The following CSMD1 variants were observed in gnomAD, a reference collection of about 807,000 sequenced individuals.
CSMD1 encodes CUB and sushi domain-containing protein 1.
Under a neutral mutation model 417.5 loss-of-function variants are expected in CSMD1, and 213 were observed. That is an observed-to-expected ratio of 0.51 (90% CI 0.46 to 0.57). The LOEUF (loss-of-function observed/expected upper bound fraction) is 0.57. CSMD1 is among the 20% of genes least tolerant of loss of function. The probability of loss-of-function intolerance (pLI) is 0.00; values close to 1 mark genes in which losing one functional copy is unlikely to be tolerated. For missense variants in CSMD1, 6,923 were observed against 4,529.7 expected (o/e 1.53, Z -15.17); for synonymous variants, 2,862 against 1,736.8 (o/e 1.65, Z -16.11).
chr8:4,728,259 C>G lies in CSMD1; in HGVS notation c.86-90701G>C, dbSNP rs980818259. ...ACACCTAATGATATGAAGTAAAATG[C>G]ATGTATATGATTTGGGTTGAAATAA... is the stretch of plus-strand genomic sequence containing the variant. On this transcript the variant is annotated intron_variant, in intron 1 of 69. Coordinates refer to ENST00000635120, the MANE Select transcript of CSMD1 (RefSeq NM_033225.6). Among the ~76,000 whole-genome samples the G allele has an allele frequency of 2.7e-5, 4 of 149,598 alleles. No individual in the cohort carries two copies. The Admixed American group carries it at 2.7e-4, about 10-fold the overall frequency.
At chr8:3,507,347 T>C (rs957218806) in intron 10 of CSMD1, among the ~76,000 whole-genome samples, 5 of 152,250 alleles carry the variant, frequency 3.3e-5, no homozygotes, top group South Asian at 2.1e-4. Context: ...TCATTTTTTA[T>C]GGCAGCACAG....
chr8:4,799,844 T>A (rs1238312515), intron 1 of CSMD1, among the ~76,000 whole-genome samples: 2 of 152,022 alleles, frequency 1.3e-5, no homozygotes, highest in Admixed American at 6.6e-5. Context: ...TTTCCAGCAT[T>A]AGAAACTTTA....
chr8:4,160,335 G>A (rs936464326), intron 3 of CSMD1, among the ~76,000 whole-genome samples: 3 of 152,088 alleles, frequency 2.0e-5, no homozygotes, highest in African/African-American at 7.2e-5. Flanking sequence ...AATAATGATT[G>A]AAAACCATTT....
intron 3 of CSMD1, among the ~76,000 whole-genome samples, chr8:4,358,351 T>G (rs765977670): frequency 6.6e-6 from 1 of 152,188 alleles, no homozygotes; most frequent in Non-Finnish European, 1.5e-5. Flanking sequence ...GAGCTTAGAA[T>G]GATTTTACAC....
intron 1 of CSMD1, among the ~76,000 whole-genome samples, chr8:4,738,612 C>A: frequency 6.6e-6 from 1 of 152,114 alleles, no homozygotes; most frequent in South Asian, 2.1e-4. Flanking sequence ...CATCTAGCAT[C>A]TGTATTTTAA....
chr8:3,695,084 C>G (rs1322502680), intron 7 of CSMD1, among the ~76,000 whole-genome samples: 1 of 33,242 alleles, frequency 3.0e-5, no homozygotes, highest in African/African-American at 1.0e-4. Flanking sequence ...ATTGGAGGCC[C>G]TGCGTGTGTG....
intron 3 of CSMD1, among the ~76,000 whole-genome samples, chr8:4,363,922 G>A (rs1158646420): frequency 1.3e-5 from 2 of 152,168 alleles, no homozygotes; most frequent in Non-Finnish European, 2.9e-5. Context: ...GGGCAGGGGG[G>A]AGATGAAAAT....
intron 41 of CSMD1, among the ~76,000 whole-genome samples, chr8:3,131,645 T>C (rs1271952744): frequency 6.6e-6 from 1 of 152,070 alleles, no homozygotes; most frequent in African/African-American, 2.4e-5. Context: ...CTACTTTTTG[T>C]ATTTTAAGTA....
chr8:3,654,844 G>A (rs1260331401), intron 7 of CSMD1, among the ~76,000 whole-genome samples: 4 of 152,096 alleles, frequency 2.6e-5, no homozygotes, highest in Non-Finnish European at 4.4e-5. Flanking sequence ...CACATCACCT[G>A]CTCTACCCAC....
chr8:4,782,273 A>C (rs1192968116), intron 1 of CSMD1, among the ~76,000 whole-genome samples: 1 of 152,216 alleles, frequency 6.6e-6, no homozygotes, highest in African/African-American at 2.4e-5. Context: ...TACCAAAAGT[A>C]AAAGATAAAC....
chr8:3,934,025 T>A (rs2554655), intron 5 of CSMD1, among the ~76,000 whole-genome samples: 127,662 of 152,036 alleles, frequency 0.84, 53,702 homozygotes, highest in Admixed American at 0.85. Context: ...GAATCCACAA[T>A]GAGTAGGAAG....
intron 2 of CSMD1, among the ~76,000 whole-genome samples, chr8:4,539,093 G>C (rs188517917): frequency 1.3e-5 from 2 of 152,254 alleles, no homozygotes; most frequent in Non-Finnish European, 2.9e-5. Context: ...TTTTAGAAAT[G>C]TTACATAATG....
intron 1 of CSMD1, among the ~76,000 whole-genome samples, chr8:4,808,227 G>C (rs1164593255): frequency 2.0e-5 from 3 of 152,138 alleles, no homozygotes; most frequent in Non-Finnish European, 1.5e-5. Flanking sequence ...AGCGGTATAG[G>C]GTTGCTGCAT....
intron 4 of CSMD1, among the ~76,000 whole-genome samples, chr8:4,000,603 T>C (rs1815592208): frequency 6.6e-6 from 1 of 152,070 alleles, no homozygotes; most frequent in African/African-American, 2.4e-5. Flanking sequence ...AATATAAATA[T>C]CTCCTTCATA....
intron 5 of CSMD1, among the ~76,000 whole-genome samples, chr8:3,881,838 T>G (rs187483374): frequency 3.9e-5 from 6 of 152,202 alleles, no homozygotes; most frequent in African/African-American, 1.4e-4. Flanking sequence ...AAATCCACAC[T>G]GCTCAGGGCA....
intron 5 of CSMD1, among the ~76,000 whole-genome samples, chr8:3,854,685 G>A (rs1019743246): frequency 4.6e-5 from 7 of 151,528 alleles, no homozygotes; most frequent in African/African-American, 1.5e-4. Flanking sequence ...GAGAGTGGGC[G>A]AGAAGGGAGT....
intron 1 of CSMD1, among the ~76,000 whole-genome samples, chr8:4,800,535 G>A (rs564145684): frequency 1.3e-5 from 2 of 152,286 alleles, no homozygotes; most frequent in South Asian, 2.1e-4. Flanking sequence ...ATGTGAGAGT[G>A]ATTTTTAAGA....
At chr8:3,360,834 A>G (rs1809111754) in intron 20 of CSMD1, among the ~76,000 whole-genome samples, 1 of 150,494 alleles carries the variant, frequency 6.6e-6, no homozygotes, top group Non-Finnish European at 1.5e-5. Flanking sequence ...TCCCCTTAGT[A>G]TTCCTCAAAT....
intron 1 of CSMD1, among the ~76,000 whole-genome samples, chr8:4,694,284 GC>G (rs150689265): frequency 0.042 from 6,437 of 152,218 alleles, 147 homozygotes; most frequent in East Asian, 0.094. Context: ...TGACATGGAA[GC>G]CCCCTCCCTG....
Sources: allele counts gnomAD v4.1 joint callset (sites outside exome capture counted in the v4.1 genomes callset), GRCh38; gene constraint gnomAD v4.1.1; transcripts MANE v1.5; gene names NCBI Gene and HGNC (gene_info 2026-07-23, HGNC 2026-07-21).